PARP8: variants seen among roughly 807,000 people sequenced by gnomAD.
PARP8 encodes the protein protein mono-ADP-ribosyltransferase PARP8.
In PARP8, 51 loss-of-function variants were observed where a neutral mutation model predicts 124.1. The observed-to-expected ratio is 0.41, with a 90% CI of 0.33 to 0.52. The LOEUF (loss-of-function observed/expected upper bound fraction) is 0.52, where lower values mean the gene tolerates loss of function less well. Ranked by LOEUF, PARP8 falls within the 20% of genes least tolerant of loss-of-function variation. PARP8 has a pLI of 0.21. For missense variants in PARP8, 860 were observed against 1,018.9 expected, an observed-to-expected ratio of 0.84 and a Z score of 2.12; for synonymous variants, 391 against 361.5, an observed-to-expected ratio of 1.08 and a Z score of -0.93.
intron 3 of PARP8, among the ~76,000 whole-genome samples, chr5:50,755,436 G>C (rs1759820684): frequency 6.6e-6 from 1 of 152,092 alleles, no homozygotes; most frequent in Non-Finnish European, 1.5e-5. Context: ...GTTAAATAGG[G>C]AATCCTTTCC....
At chr5:50,703,036 C>T (rs1430907809) in intron 2 of PARP8, among the ~76,000 whole-genome samples, 2 of 152,054 alleles carry the variant, frequency 1.3e-5, no homozygotes, top group Non-Finnish European at 2.9e-5. Flanking sequence ...TGATGTGGCT[C>T]GTGCCTGTAA....
chr5:50,799,408 C>G (rs1322721812), intron 14 of PARP8, among the ~76,000 whole-genome samples: 4 of 152,172 alleles, frequency 2.6e-5, no homozygotes, highest in Non-Finnish European at 5.9e-5. Flanking sequence ...ACTCTCAAGT[C>G]TTTTTCCACT....
At chr5:50,719,016 G>A (rs781685442) in intron 2 of PARP8, among the ~76,000 whole-genome samples, 9 of 152,036 alleles carry the variant, frequency 5.9e-5, no homozygotes, top group Non-Finnish European at 1.2e-4. Flanking sequence ...TAAGTGGGGT[G>A]AGATGGTAAC....
At chr5:50,760,554 T>C (rs1439032566) in intron 5 of PARP8, among the ~76,000 whole-genome samples, 192 bp downstream of exon 5, 1 of 152,044 alleles carries the variant, frequency 6.6e-6, no homozygotes, top group Non-Finnish European at 1.5e-5. Context: ...AAGTTCCCCT[T>C]AAAATCATAG....
intron 7 of PARP8, 127 bp from the exon 8 acceptor site, chr5:50,777,942 A>G (rs1740220527): frequency 1.4e-6 from 1 of 699,074 alleles, no homozygotes; most frequent in South Asian, 1.8e-5. Flanking sequence ...CCACAGTTAG[A>G]TGTGAGCTAT....
chr5:50,795,839 C>G (rs1742479978), intron 12 of PARP8, among the ~76,000 whole-genome samples: 2 of 152,196 alleles, frequency 1.3e-5, no homozygotes, highest in South Asian at 4.1e-4. Context: ...AATTCCCTTT[C>G]AATTATATAT....
intron 7 of PARP8, among the ~76,000 whole-genome samples, chr5:50,765,793 T>G (rs1760998258): frequency 6.6e-6 from 1 of 152,212 alleles, no homozygotes; most frequent in Non-Finnish European, 1.5e-5. Flanking sequence ...ATACTTAGGC[T>G]TGGATTCAAG....
chr5:50,770,592 GAGAA>G (rs1311022780), intron 7 of PARP8, among the ~76,000 whole-genome samples: 4 of 150,492 alleles, frequency 2.7e-5, no homozygotes, highest in African/African-American at 9.8e-5. Flanking sequence ...AAAAAAGAAA[GAGAA>G]AGAAAAAGAA....
intron 2 of PARP8, among the ~76,000 whole-genome samples, chr5:50,699,981 A>G (rs1235773871): frequency 6.6e-6 from 1 of 152,202 alleles, no homozygotes; most frequent in Non-Finnish European, 1.5e-5. Context: ...AGCATGACTC[A>G]TGGAACCTGT....
At chr5:50,788,072 C>G (rs1741475428) in intron 9 of PARP8, among the ~76,000 whole-genome samples, 1 of 148,890 alleles carries the variant, frequency 6.7e-6, no homozygotes, top group African/African-American at 2.5e-5. Flanking sequence ...AACATGTTGT[C>G]TTTCTTCCAC....
chr5:50,799,451 A>T (rs959399047), intron 14 of PARP8, among the ~76,000 whole-genome samples: 2 of 152,168 alleles, frequency 1.3e-5, no homozygotes, highest in African/African-American at 4.8e-5. Flanking sequence ...CCAGTACCAC[A>T]TTGTCTTGAT....
intron 18 of PARP8, among the ~76,000 whole-genome samples, chr5:50,826,257 A>C (rs1194006469): frequency 6.6e-6 from 1 of 152,204 alleles, no homozygotes; most frequent in East Asian, 1.9e-4. Flanking sequence ...TTTCAACTGC[A>C]GAGTCTACGT....
In PARP8 at chr5:50,794,980, G is replaced by A. The variant is rs754310103; in HGVS notation, c.991G>A (p.Val331Met). 3.1e-6 allele frequency: 5 copies of A among 1,614,218 alleles called. No homozygotes were observed. The highest frequency in any genetic ancestry group is 2.7e-5 in the African/African-American group (2 of 75,052). ...TCSSTVKTDDVCVTKSHRTFG... is the reference protein window; with the variant it reads ...TCSSTVKTDDMCVTKSHRTFG... ...TTCCAGCACAGTCAAGACTGATGAT[G>A]TGTGTGTCACAAAGTCACACAGGAC... The change falls in exon 12 of 26, where the codon GTG (valine) becomes ATG (methionine). Residue 331 changes from valine (V) to methionine (M), a missense_variant. Around this residue, in one of 2 missense-constraint regions of PARP8, gnomAD observed 517 missense variants for 544.2 expected, o/e 0.95. Transcript: ENST00000281631.
At chr5:50,788,198 T>TTACATATTAC in intron 9 of PARP8, among the ~76,000 whole-genome samples, 1 of 145,644 alleles carries the variant, frequency 6.9e-6, no homozygotes, top group Admixed American at 7.4e-5. Flanking sequence ...TATATTAATG[T>TTACATATTAC]ATAATATATA....
At chr5:50,684,849 T>C (rs1357498591) in intron 2 of PARP8, among the ~76,000 whole-genome samples, 2 of 152,174 alleles carry the variant, frequency 1.3e-5, no homozygotes. Flanking sequence ...TATGAGGGAT[T>C]ACGGTGTATT....
At chr5:50,682,207 GAGTACA>G in intron 2 of PARP8, among the ~76,000 whole-genome samples, 1 of 152,270 alleles carries the variant, frequency 6.6e-6, no homozygotes, top group South Asian at 2.1e-4. Context: ...TCCCAAGTAT[GAGTACA>G]TTCTCCACTT....
chr5:50,831,039 A>G (rs775726210), intron 22 of PARP8, among the ~76,000 whole-genome samples: 19 of 152,224 alleles, frequency 1.2e-4, no homozygotes, highest in Non-Finnish European at 2.9e-5. Flanking sequence ...TTTCTCAATG[A>G]TAGGAAACTT....
Position 50,779,959 on chromosome 5 carries a change from G to GA in PARP8, c.670+1315dup, listed in dbSNP as rs200537482. ...TTCTAACTGATTTAATGCTGGACAA[G>GA]AAAAAATAAATGTTTAAAATATTTT... On this transcript the variant is annotated intron_variant, in intron 9 of 25. Transcript: ENST00000281631. Among the ~76,000 whole-genome samples, 53 of 152,102 alleles carry GA rather than the reference G, an allele frequency of 3.5e-4. 1 individual carries two copies. In the East Asian group the frequency reaches 0.01, roughly 29 times the overall value.
At chr5:50,752,384 T>C (rs1007865099) in intron 3 of PARP8, among the ~76,000 whole-genome samples, 2 of 152,050 alleles carry the variant, frequency 1.3e-5, no homozygotes, top group African/African-American at 4.8e-5. Context: ...TCTGGGTCAG[T>C]TGTCTTATTT....
Sources: gnomAD v4.1 joint callset for allele counts (sites outside exome capture counted in the v4.1 genomes callset) on GRCh38, gnomAD v4.1.1 for gene constraint, gnomAD v4.1.1 regional missense constraint, MANE v1.5 for transcripts, NCBI Gene and HGNC (gene_info 2026-07-23, HGNC 2026-07-21) for gene names.